UNC13C: variants seen among roughly 807,000 people sequenced by gnomAD.
UNC13C encodes the protein unc-13 homolog C.
Under a neutral mutation model 245.4 loss-of-function variants are expected in UNC13C, and 174 were observed. The observed-to-expected ratio is 0.71, with a 90% CI of 0.63 to 0.80. The LOEUF (loss-of-function observed/expected upper bound fraction) is 0.80. UNC13C is among the 30% of genes least tolerant of loss of function. The pLI, the probability that UNC13C is intolerant of heterozygous loss-of-function variation, is 0.00. For missense variants in UNC13C, 2,829 were observed against 2,602.9 expected, an observed-to-expected ratio of 1.09 and a Z score of -1.89; for synonymous variants, 992 against 895.1, an observed-to-expected ratio of 1.11 and a Z score of -1.93.
the UNC13C span, among the ~76,000 whole-genome samples, chr15:53,928,913 T>C: frequency 6.6e-6 from 1 of 152,220 alleles, no homozygotes; most frequent in African/African-American, 2.4e-5. Context: ...AAATTCAGCC[T>C]TGAAGACAGT....
chr15:53,933,597 C>G, the UNC13C span, among the ~76,000 whole-genome samples: 4 of 152,156 alleles, frequency 2.6e-5, no homozygotes, highest in Admixed American at 1.3e-4. Flanking sequence ...CTCTCTGCCT[C>G]TCTAGCCATA....
At chr15:54,279,110 A>T (rs2036911006) in intron 10 of UNC13C, among the ~76,000 whole-genome samples, 2 of 152,188 alleles carry the variant, frequency 1.3e-5, no homozygotes, top group Non-Finnish European at 2.9e-5. Flanking sequence ...CTGCAGACAG[A>T]TGAGTACCAG....
the UNC13C span, among the ~76,000 whole-genome samples, chr15:53,924,838 A>T: frequency 1.3e-5 from 2 of 152,238 alleles, no homozygotes; most frequent in African/African-American, 4.8e-5. Flanking sequence ...TTACTTTTTA[A>T]AGCACAAATA....
At chr15:53,851,700 C>T in the UNC13C span, among the ~76,000 whole-genome samples, 1 of 152,180 alleles carries the variant, frequency 6.6e-6, no homozygotes, top group African/African-American at 2.4e-5. Flanking sequence ...CAAGCCCTTG[C>T]AGGCTTTAGA....
At chr15:54,132,004 A>G (rs1484293732) in intron 2 of UNC13C, among the ~76,000 whole-genome samples, 1 of 151,690 alleles carries the variant, frequency 6.6e-6, no homozygotes, top group African/African-American at 2.4e-5. Flanking sequence ...GTGCTTCCAT[A>G]TCACTTTGTT....
At chr15:54,571,127 C>G (rs561674954) in intron 30 of UNC13C, among the ~76,000 whole-genome samples, 1 of 152,198 alleles carries the variant, frequency 6.6e-6, no homozygotes, top group African/African-American at 2.4e-5. Context: ...CAAATGAAGT[C>G]TCAGTTTCCA....
intron 2 of UNC13C, among the ~76,000 whole-genome samples, chr15:54,016,992 G>A (rs1027782909): frequency 2.0e-5 from 3 of 152,144 alleles, no homozygotes; most frequent in Non-Finnish European, 4.4e-5. Context: ...CCAAAGCTGT[G>A]ATCAAACTCC....
At chr15:54,329,660 T>C (rs1429985675) in intron 14 of UNC13C, among the ~76,000 whole-genome samples, 2 of 152,082 alleles carry the variant, frequency 1.3e-5, no homozygotes, top group African/African-American at 2.4e-5. Context: ...GTTCAAGCTG[T>C]CCTGCTGTTT....
chr15:54,377,557 C>T (rs1235851099), intron 17 of UNC13C, among the ~76,000 whole-genome samples: 1 of 152,180 alleles, frequency 6.6e-6, no homozygotes, highest in Non-Finnish European at 1.5e-5. Flanking sequence ...TCCATTCAGA[C>T]TGTTATAAGA....
chr15:54,602,081 A>G (rs980366442), intron 30 of UNC13C, among the ~76,000 whole-genome samples: 8 of 50,982 alleles, frequency 1.6e-4, no homozygotes, highest in African/African-American at 3.2e-4. Context: ...TAGACTGAAC[A>G]GGCAAATATT....
the UNC13C span, among the ~76,000 whole-genome samples, chr15:53,967,328 T>G: frequency 0.16 from 22,241 of 139,602 alleles, 2,083 homozygotes; most frequent in East Asian, 0.34. Flanking sequence ...CAATTTTTTT[T>G]TTGTTGTTTT....
intron 2 of UNC13C, among the ~76,000 whole-genome samples, chr15:54,029,777 C>T (rs918641668): frequency 4.6e-5 from 7 of 152,146 alleles, no homozygotes; most frequent in Admixed American, 2.6e-4. Flanking sequence ...GTTCCCGGGA[C>T]CCTATGCGGC....
At chr15:54,479,735 G>T (rs1192770881) in intron 19 of UNC13C, among the ~76,000 whole-genome samples, 3 of 151,196 alleles carry the variant, frequency 2.0e-5, no homozygotes, top group Non-Finnish European at 4.4e-5. Context: ...TTTTCTGTAT[G>T]CACTCTACTA....
intron 30 of UNC13C, among the ~76,000 whole-genome samples, chr15:54,571,759 G>A (rs1385658732): frequency 6.6e-6 from 1 of 152,216 alleles, no homozygotes; most frequent in Non-Finnish European, 1.5e-5. Context: ...ACCAGCTGGA[G>A]TGCCAGAGGG....
the UNC13C span, among the ~76,000 whole-genome samples, chr15:53,936,127 C>T: frequency 6.6e-6 from 1 of 152,214 alleles, no homozygotes; most frequent in Non-Finnish European, 1.5e-5. Context: ...CTGCCTGAGA[C>T]TGCCTGAGAC....
At chr15:53,880,956 A>C in the UNC13C span, among the ~76,000 whole-genome samples, 1 of 152,152 alleles carries the variant, frequency 6.6e-6, no homozygotes, top group African/African-American at 2.4e-5. Flanking sequence ...GCAAGAGAGA[A>C]AAGAGCTGAA....
At chr15:54,219,948 A>G (rs1596027938) in intron 4 of UNC13C, among the ~76,000 whole-genome samples, 1 of 150,788 alleles carries the variant, frequency 6.6e-6, no homozygotes, top group East Asian at 1.9e-4. Flanking sequence ...AGGAAACAAC[A>G]GGTGCTGGAG....
rs757257620 is a variant in UNC13C at position 54,297,804 on chromosome 15, T to C, written c.3989-7T>C. ...ATGACTGACCAATTGCCTTTTTGCT[T>C]TATCAGAGAAAAGGACAGATAAGTC... On this transcript the variant is annotated splice_polypyrimidine_tract_variant and splice_region_variant and intron_variant, in intron 11 of 32. Coordinates refer to ENST00000260323, the MANE Select transcript of UNC13C (RefSeq NM_001080534.3). 17 of 1,589,110 alleles carry C rather than the reference T, an allele frequency of 1.1e-5. No individual in the cohort carries two copies. Among genetic ancestry groups the C allele is most frequent in the Non-Finnish European group, 1.5e-5 (17 of 1,162,570 alleles).
chr15:53,945,123 A>G, the UNC13C span, among the ~76,000 whole-genome samples: 78 of 151,078 alleles, frequency 5.2e-4, 1 homozygote, highest in South Asian at 0.015. Context: ...TTTTTCTTGT[A>G]CATTTATTTA....
Sources: allele counts gnomAD v4.1 joint callset (sites outside exome capture counted in the v4.1 genomes callset), GRCh38; gene constraint gnomAD v4.1.1; transcripts MANE v1.5; gene names NCBI Gene and HGNC (gene_info 2026-07-23, HGNC 2026-07-21).